PRKG1: variants seen among roughly 807,000 people sequenced by gnomAD.
The protein encoded by PRKG1 is protein kinase cGMP-dependent 1, also known as cGMP-dependent protein kinase 1.
Under a neutral mutation model 88.1 loss-of-function variants are expected in PRKG1, and 35 were observed. The observed-to-expected ratio is 0.40, with a 90% CI of 0.30 to 0.53. The LOEUF (loss-of-function observed/expected upper bound fraction) is 0.53, where lower values mean the gene tolerates loss of function less well. Ranked by LOEUF, PRKG1 falls within the 20% of genes least tolerant of loss-of-function variation. The probability of loss-of-function intolerance (pLI) is 0.59; values close to 1 mark genes in which losing one functional copy is unlikely to be tolerated. For missense variants in PRKG1, 540 were observed against 839.8 expected (o/e 0.64, Z 4.41); for synonymous variants, 303 against 292.5 (o/e 1.04, Z -0.37).
At chr10:51,268,286 C>T (rs1404426776) in intron 2 of PRKG1, among the ~76,000 whole-genome samples, 1 of 152,118 alleles carries the variant, frequency 6.6e-6, no homozygotes, top group Non-Finnish European at 1.5e-5. Context: ...AACATCTTAT[C>T]AGGAGACAGG....
chr10:52,062,416 AT>A lies in PRKG1; in HGVS notation c.841-120del, dbSNP rs1846257990. On this transcript the variant is annotated intron_variant, in intron 6 of 17. Coordinates refer to ENST00000373980, the MANE Select transcript of PRKG1 (RefSeq NM_006258.4). ...TTTGGTCCTTTTGGTGGTAATTTAA[AT>A]GCTTTTTCTTTATAAAAATAAGAAA... 6.9e-6 allele frequency: 4 copies of A among 576,256 alleles called. No individual in the cohort carries two copies. In the Middle Eastern group the frequency reaches 1.2e-3, roughly 171 times the overall value. The allele number at this position is 576,256 out of a possible 1,614,324, so 35.7% of individuals were successfully genotyped here.
intron 2 of PRKG1, among the ~76,000 whole-genome samples, chr10:51,226,471 A>G (rs539540053): frequency 1.5e-3 from 234 of 152,270 alleles, no homozygotes; most frequent in African/African-American, 5.6e-3. Context: ...AATGAGTATG[A>G]GGGCTGTAAG....
intron 2 of PRKG1, among the ~76,000 whole-genome samples, chr10:51,197,407 G>A (rs1376859800): frequency 2.0e-5 from 3 of 151,922 alleles, no homozygotes; most frequent in African/African-American, 7.3e-5. Context: ...CAAGTGGCTG[G>A]GACTACAGTG....
At chr10:51,223,109 G>A (rs922976059) in intron 2 of PRKG1, among the ~76,000 whole-genome samples, 12 of 151,888 alleles carry the variant, frequency 7.9e-5, no homozygotes, top group Admixed American at 3.9e-4. Context: ...TAATCACCAC[G>A]CTGTATATTA....
chr10:51,440,189 T>C (rs1369287217), intron 2 of PRKG1, among the ~76,000 whole-genome samples: 2 of 147,012 alleles, frequency 1.4e-5, no homozygotes, highest in African/African-American at 4.9e-5. Context: ...TATCTCCAAA[T>C]AGTGCAGTTT....
intron 5 of PRKG1, among the ~76,000 whole-genome samples, chr10:51,999,731 T>C (rs1228537947): frequency 6.6e-6 from 1 of 152,110 alleles, no homozygotes; most frequent in Non-Finnish European, 1.5e-5. Flanking sequence ...TCTTTGATAA[T>C]TTAAAGAATT....
At chr10:51,881,652 G>C (rs1841440927) in intron 4 of PRKG1, among the ~76,000 whole-genome samples, 1 of 152,176 alleles carries the variant, frequency 6.6e-6, no homozygotes. Context: ...GTTTAAGGGG[G>C]AAATAGACAC....
intron 3 of PRKG1, among the ~76,000 whole-genome samples, chr10:51,655,030 C>T (rs1227500482): frequency 2.6e-5 from 4 of 152,146 alleles, no homozygotes; most frequent in Admixed American, 2.6e-4. Flanking sequence ...TTGTTAGACT[C>T]TATACAAGTG....
chr10:51,818,870 A>G (rs1235116158), intron 4 of PRKG1, among the ~76,000 whole-genome samples: 2 of 130,116 alleles, frequency 1.5e-5, no homozygotes, highest in Non-Finnish European at 3.1e-5. Flanking sequence ...AGCCGGGCGT[A>G]GTGGTGGGCG....
At chr10:51,967,174 T>G (rs533403532) in intron 5 of PRKG1, among the ~76,000 whole-genome samples, 3 of 152,238 alleles carry the variant, frequency 2.0e-5, no homozygotes, top group Admixed American at 2.0e-4. Context: ...TGTCCAATAA[T>G]GATAGACTGG....
intron 1 of PRKG1, among the ~76,000 whole-genome samples, chr10:51,106,054 A>G (rs1844825671): frequency 6.6e-6 from 1 of 152,222 alleles, no homozygotes; most frequent in African/African-American, 2.4e-5. Flanking sequence ...GATGAAGTAG[A>G]AAGTAATTGT....
At position 51,522,561 on chromosome 10, in the gene PRKG1, CA is replaced by C. The variant is rs555090910; in HGVS notation, c.592+54728del. Among the ~76,000 whole-genome samples, 173 of 152,210 alleles carry C rather than the reference CA, an allele frequency of 1.1e-3. 1 individual carries two copies. Among genetic ancestry groups the C allele is most frequent in the African/African-American group, 3.8e-3 (157 of 41,560 alleles). ...CCATCTTTAACATTTTCATCATGTT[CA>C]AATACTTCCTTCTTAAATGATGTTT... On this transcript the variant is annotated intron_variant, in intron 3 of 17. Transcript: ENST00000373980.
intron 5 of PRKG1, among the ~76,000 whole-genome samples, chr10:51,940,111 C>T (rs1842874703): frequency 6.6e-6 from 1 of 151,806 alleles, no homozygotes; most frequent in Admixed American, 6.6e-5. Context: ...GCTTTTAGCT[C>T]TATTCTTTTT....
chr10:51,700,516 G>T (rs1160553013), intron 3 of PRKG1, among the ~76,000 whole-genome samples: 2 of 152,130 alleles, frequency 1.3e-5, no homozygotes, highest in African/African-American at 4.8e-5. Flanking sequence ...AACAAATAGC[G>T]GGTGTTTGTC....
chr10:51,971,166 G>A (rs1843706231), intron 5 of PRKG1, among the ~76,000 whole-genome samples: 1 of 151,918 alleles, frequency 6.6e-6, no homozygotes, highest in Admixed American at 6.6e-5. Flanking sequence ...CTTTTGGAGG[G>A]GGTGTAGTGA....
At chr10:51,912,708 A>G (rs1483041993) in intron 5 of PRKG1, among the ~76,000 whole-genome samples, 1 of 152,122 alleles carries the variant, frequency 6.6e-6, no homozygotes, top group Non-Finnish European at 1.5e-5. Flanking sequence ...TCTTGTTATG[A>G]AAATGAAAAA....
At chr10:51,142,811 TAA>T (rs1845850532) in intron 1 of PRKG1, among the ~76,000 whole-genome samples, 2 of 152,118 alleles carry the variant, frequency 1.3e-5, no homozygotes, top group South Asian at 4.1e-4. Context: ...TCTATGTAGA[TAA>T]AAGTCATATT....
chr10:51,810,766 C>T (rs1329463806), intron 4 of PRKG1, among the ~76,000 whole-genome samples: 1 of 152,100 alleles, frequency 6.6e-6, no homozygotes, highest in Non-Finnish European at 1.5e-5. Context: ...TCAGAATGGC[C>T]TTGACTAGGA....
chr10:51,738,672 A>ATCTT (rs57463338), intron 3 of PRKG1, among the ~76,000 whole-genome samples: 27,530 of 151,930 alleles, frequency 0.18, 2,695 homozygotes, highest in African/African-American at 0.25. Flanking sequence ...TTTCACCTTG[A>ATCTT]TCTTCACCAC....
Sources: gnomAD v4.1 joint callset for allele counts (sites outside exome capture counted in the v4.1 genomes callset) on GRCh38, gnomAD v4.1.1 for gene constraint, MANE v1.5 for transcripts, NCBI Gene and HGNC (gene_info 2026-07-23, HGNC 2026-07-21) for gene names.